Variants in EPPK1 observed in about 807,000 individuals in gnomAD.
EPPK1 encodes the protein epiplakin.
For synonymous variants in EPPK1, 1,862 were observed against 1,721.2 expected, an observed-to-expected ratio of 1.08 and a Z score of -2.03; for missense variants, 3,823 against 3,673.3, an observed-to-expected ratio of 1.04 and a Z score of -1.05.
rs1405351318 is a variant in EPPK1 at position 143,871,475 on chromosome 8, G to A, written c.1779C>T (p.Ala593=). The part of the protein sequence containing the change: ...YERLEHGQAT[A]KDVGSLASVQ... ...CCGAGGCCAGGCTGCCCACATCCTTGGCTGTGGCCTGTCCATGCTCCAGCC... is the reference window on the plus strand; with the variant it reads ...CCGAGGCCAGGCTGCCCACATCCTTAGCTGTGGCCTGTCCATGCTCCAGCC... Residue 593 remains alanine (A), a synonymous_variant, in exon 2 of 2, where the codon GCC becomes GCT. Coordinates refer to ENST00000615648, the MANE Select transcript of EPPK1 (RefSeq NM_031308.4). 6 of 1,608,784 alleles carry A rather than the reference G, an allele frequency of 3.7e-6. No homozygotes were observed. The African/African-American group carries it at 6.7e-5, about 18-fold the overall frequency.
rs1563888819 is a variant in EPPK1, at chr8:143,872,705, C to G, written c.549G>C (p.Glu183Asp). ...CAAGCTCTGACAGCTTGTGCCATGT[C>G]TCCCGGTCCAGGAGGCCCTGGTGGC... ...PACHQGLLDRETWHKLSELEP... is the reference protein window; with the variant it reads ...PACHQGLLDRDTWHKLSELEP... Residue 183 changes from glutamate (E) to aspartate (D), a missense_variant, in exon 2 of 2, where the codon GAG becomes GAC. Transcript: ENST00000615648. The G allele has an allele frequency of 1.3e-6, 2 of 1,599,638 alleles. No individual in the cohort carries two copies. Among genetic ancestry groups the G allele is most frequent in the East Asian group, 4.5e-5 (2 of 44,676 alleles).
chr8:143,872,469 C>T lies in EPPK1; in HGVS notation c.785G>A (p.Arg262Gln), dbSNP rs571553066. ...ILDEQAVQGL[R>Q]EGRLAAVDVS... ...GTCCACTGCGGCCAGCCTGCCCTCC[C>T]GCAGACCCTGCACAGCCTGCTCGTC... The change falls in exon 2 of 2, where the codon CGG becomes CAG. Residue 262 changes from arginine to glutamine, a missense_variant. Arg to Gln is a conservative substitution (Grantham distance 43). Transcript: ENST00000615648. The T allele has an allele frequency of 4.1e-5, 65 of 1,592,106 alleles. 1 individual carries two copies. The Admixed American group carries it at 4.3e-4, about 10-fold the overall frequency.
At position 143,857,567 on chromosome 8, in the gene EPPK1, A is replaced by T. The variant is rs553244020; in HGVS notation, c.*420T>A. On this transcript the variant is annotated 3_prime_UTR_variant, in exon 2 of 2. Transcript: ENST00000615648. Reference sequence around the variant, plus strand: ...CACTGGCTGATGGAAAATGAGTTTGAAGATGAACGTGAATAGCACATCGTT... The same window carrying T: ...CACTGGCTGATGGAAAATGAGTTTGTAGATGAACGTGAATAGCACATCGTT... 4.7e-5 allele frequency: 8 copies of T among 170,244 alleles called. No homozygotes were observed. Among genetic ancestry groups the T allele is most frequent in the Non-Finnish European group, 8.7e-5 (7 of 80,426 alleles). The allele number at this position is 170,244 out of a possible 1,614,324, so 10.5% of individuals were successfully genotyped here. A position where few individuals can be genotyped will look rare whatever the true frequency, so the allele number is the denominator to read the frequency against.
rs976943937 is a variant in EPPK1 at position 143,867,285 on chromosome 8, A to T, written c.5969T>A (p.Phe1990Tyr). ...GATGAGCTGCTTCTGCATGGCCTGG[A>T]ACAGCGGGATCGTGTCTCCTGTGGC... Reference protein sequence around the residue: ...DPATGDTIPLFQAMQKQLIEK... With the variant: ...DPATGDTIPLYQAMQKQLIEK... The change falls in exon 2 of 2, where the codon TTC becomes TAC. Residue 1990 changes from phenylalanine to tyrosine, a missense_variant. Phe to Tyr is a conservative substitution (Grantham distance 22, BLOSUM62 3). Transcript: ENST00000615648. The T allele has an allele frequency of 6.2e-7, 1 of 1,612,358 alleles. No homozygotes were observed. The highest frequency in any genetic ancestry group is 1.7e-5 in the Admixed American group (1 of 60,000).
rs1819089376 is a variant in EPPK1 at position 143,865,569 on chromosome 8, A to C, written c.7685T>G (p.Leu2562Arg). Residue 2562 changes from leucine to arginine, a missense_variant, in exon 2 of 2, where the codon CTG becomes CGG. Physicochemically the swap from Leu to Arg is moderately radical, Grantham distance 102. Transcript: ENST00000615648. ...CCGGCGGGTCAGCGCGGGCAAGTCC[A>C]GGGTCCCCGAGCCAAACTCGGCCAG... is the stretch of plus-strand genomic sequence containing the variant. ...ELLAEFGSGTLDLPALTRRLT... is the reference protein window; with the variant it reads ...ELLAEFGSGTRDLPALTRRLT... 3 of 108,056 alleles carry C rather than the reference A, an allele frequency of 2.8e-5. No individual in the cohort carries two copies. Among genetic ancestry groups the C allele is most frequent in the Non-Finnish European group, 4.4e-5 (3 of 67,456 alleles). 6.7% of individuals were successfully genotyped at this position (108,056 alleles called of 1,614,324 possible).
rs572291032 is a variant in EPPK1 at position 143,867,079 on chromosome 8, T to C, written c.6175A>G (p.Thr2059Ala). The change falls in exon 2 of 2, where the codon ACG becomes GCG. Residue 2059 changes from threonine to alanine, a missense_variant. Coordinates refer to ENST00000615648, the MANE Select transcript of EPPK1 (RefSeq NM_031308.4). ...TCTCGGTACGAGACCTTCTCTTGCG[T>C]GTTCGGGTCCACAAACCGTTTCCTC... ...HMRKRFVDPN[T>A]QEKVSYRELQ... The C allele has an allele frequency of 1.9e-6, 3 of 1,612,910 alleles. No individual in the cohort carries two copies. The highest frequency in any genetic ancestry group is 2.5e-6 in the Non-Finnish European group (3 of 1,179,838).
intron 1 of EPPK1, among the ~76,000 whole-genome samples, chr8:143,874,049 G>T (rs1278852321): frequency 1.3e-5 from 2 of 152,204 alleles, no homozygotes; most frequent in East Asian, 1.9e-4. Context: ...CCCACACCCT[G>T]CCCCGGGGGC....
Position 143,857,780 on chromosome 8 carries a change from C to A in EPPK1, c.*207G>T. ...TATGACACATAGACGACCCAGAAAA[C>A]ACACCAAAAAACTTATGAAACACCT... On this transcript the variant is annotated 3_prime_UTR_variant, in exon 2 of 2. Coordinates refer to ENST00000615648, the MANE Select transcript of EPPK1 (RefSeq NM_031308.4). 2.1e-6 allele frequency: 1 copy of A among 487,624 alleles called. No individual in the cohort carries two copies. 30.2% of individuals were successfully genotyped at this position (487,624 alleles called of 1,614,324 possible).
Position 143,857,988 on chromosome 8 carries a change from C to T in EPPK1, c.15266G>A (p.Ter5089=). ...GLLFLSLSLQ[*] Reference sequence around the variant, plus strand: ...GAAAACTGCACGGAGGAAGCCCAGTCACTGTAGAGAGAGAGAAAGAAATAG... The same window carrying T: ...GAAAACTGCACGGAGGAAGCCCAGTTACTGTAGAGAGAGAGAAAGAAATAG... Residue 5089 remains the stop codon, a stop_retained_variant, in exon 2 of 2, where the codon TGA becomes TAA. Transcript: ENST00000615648. 1 of 1,584,452 alleles carries T rather than the reference C, an allele frequency of 6.3e-7. No individual in the cohort carries two copies. The highest frequency in any genetic ancestry group is 1.8e-5 in the Admixed American group (1 of 56,466).
At position 143,869,409 on chromosome 8, in the gene EPPK1, G is replaced by A. The variant is rs781959347; in HGVS notation, c.3845C>T (p.Ala1282Val). 1 of 1,605,472 alleles carries A rather than the reference G, an allele frequency of 6.2e-7. No homozygotes were observed. The highest frequency in any genetic ancestry group is 8.5e-7 in the Non-Finnish European group (1 of 1,177,684). Residue 1282 changes from alanine to valine, a missense_variant, in exon 2 of 2, where the codon GCC becomes GTC. Ala to Val is a moderately conservative substitution (Grantham distance 64). Transcript: ENST00000615648. The part of the protein sequence containing the change: ...PTGLGQRLLE[A>V]QVASGFLVDP... ...AACAAGGAAGCCAGATGCCACCTGG[G>A]CTTCCAGCAGCCTCTGGCCCAGGCC...
At position 143,860,566 on chromosome 8, in the gene EPPK1, CGGT is replaced by C; in HGVS notation, c.12685_12687del (p.Thr4229del). On this transcript the variant is annotated inframe_deletion, in exon 2 of 2. Coordinates refer to ENST00000615648, the MANE Select transcript of EPPK1 (RefSeq NM_031308.4). ...GTCTGCTCCTGGCGGCGGGCGGCGG[CGGT>C]GGCGGCGGCGGCCTCCTGGGTCTCG... The C allele has an allele frequency of 3.8e-5, 1 of 26,132 alleles. No homozygotes were observed. The highest frequency in any genetic ancestry group is 7.0e-5 in the Non-Finnish European group (1 of 14,258). 1.6% of individuals were successfully genotyped at this position (26,132 alleles called of 1,614,324 possible).
chr8:143,874,356 C>A (rs1819440105), intron 1 of EPPK1, among the ~76,000 whole-genome samples: 1 of 152,230 alleles, frequency 6.6e-6, no homozygotes, highest in African/African-American at 2.4e-5. Context: ...GTGAATGTGA[C>A]CTTATTTGGA....
intron 1 of EPPK1, among the ~76,000 whole-genome samples, chr8:143,875,874 C>T (rs1819467583): frequency 6.6e-6 from 1 of 152,224 alleles, no homozygotes; most frequent in Non-Finnish European, 1.5e-5. Flanking sequence ...CAGAACGTGG[C>T]TTCCCATGTG....
Position 143,857,848 on chromosome 8 carries a change from C to T in EPPK1, c.*139G>A, listed in dbSNP as rs540747119. 23 of 644,530 alleles carry T rather than the reference C, an allele frequency of 3.6e-5. No individual in the cohort carries two copies. The highest frequency in any genetic ancestry group is 4.2e-4 in the Middle Eastern group (1 of 2,376). The allele number at this position is 644,530 out of a possible 1,614,324, so 39.9% of individuals were successfully genotyped here. A position where few individuals can be genotyped will look rare whatever the true frequency, so the allele number is the denominator to read the frequency against. ...GTTTCTGTCACATGACAACTTAAAACGTTTTCCACAGATAACGAATGGGTA... is the reference window on the plus strand; with the variant it reads ...GTTTCTGTCACATGACAACTTAAAATGTTTTCCACAGATAACGAATGGGTA... On this transcript the variant is annotated 3_prime_UTR_variant, in exon 2 of 2. Transcript: ENST00000615648.
chr8:143,870,693 T>C lies in EPPK1; in HGVS notation c.2561A>G (p.Tyr854Cys), dbSNP rs781795632. 1.4e-5 allele frequency: 22 copies of C among 1,609,992 alleles called. No individual in the cohort carries two copies. The South Asian group carries it at 1.7e-4, about 12-fold the overall frequency. Reference protein sequence around the residue: ...EGRRRQLLRRYRQREVTLGQV... With the variant: ...EGRRRQLLRRCRQREVTLGQV... ...CCCCAGCGTGACCTCGCGCTGCCGG[T>C]AGCGACGCAGCAGCTGCCTCCTGCG... The change falls in exon 2 of 2, where the codon TAC (tyrosine) becomes TGC (cysteine). Residue 854 changes from tyrosine (Y) to cysteine (C), a missense_variant. By Grantham distance (194) the Tyr-to-Cys change is radical (BLOSUM62 -2). Coordinates refer to ENST00000615648, the MANE Select transcript of EPPK1 (RefSeq NM_031308.4). This position sits in a 1 kb window ranked among gnomAD's most constrained non-coding sequence, Gnocchi z 5.2.
rs1819320025 is a variant in EPPK1 at position 143,870,823 on chromosome 8, G to A, written c.2431C>T (p.Gln811Ter). 1 of 1,612,692 alleles carries A rather than the reference G, an allele frequency of 6.2e-7. No individual in the cohort carries two copies. Among genetic ancestry groups the A allele is most frequent in the Non-Finnish European group, 8.5e-7 (1 of 1,179,884 alleles). ...TQSPLVDSAT[Q>*]QAFQNLLLSV... ...AGCAGCAGGTTCTGGAAGGCCTGCT[G>A]GGTGGCACTGTCCACCAGCGGGGAC... The change falls in exon 2 of 2, where the codon CAG becomes TAG. Residue 811 changes from glutamine (Q) to a stop codon, truncating the protein, a stop_gained. Transcript: ENST00000615648. LOFTEE classifies it low-confidence loss of function (END_TRUNC). This position sits in a 1 kb window ranked among gnomAD's most constrained non-coding sequence, Gnocchi z 5.2.
Position 143,871,892 on chromosome 8 carries a change from G to A in EPPK1, c.1362C>T (p.Leu454=), listed in dbSNP as rs1554661348. 1 of 1,609,672 alleles carries A rather than the reference G, an allele frequency of 6.2e-7. No homozygotes were observed. Among genetic ancestry groups the A allele is most frequent in the African/African-American group, 1.3e-5 (1 of 75,074 alleles). The change falls in exon 2 of 2, where the codon CTC becomes CTT. Residue 454 remains leucine, a synonymous_variant. Coordinates refer to ENST00000615648, the MANE Select transcript of EPPK1 (RefSeq NM_031308.4). ...GCCCGGTCTCTGGGTCGGTGACACA[G>A]AGGGCCAGCAGCTGTTCATAGCGCA... The part of the protein sequence containing the change: ...GGLRYEQLLA[L]CVTDPETGLA...
upstream of EPPK1, among the ~76,000 whole-genome samples, chr8:143,878,805 G>C (rs1819543404): frequency 6.6e-6 from 1 of 152,090 alleles, no homozygotes; most frequent in East Asian, 1.9e-4. Flanking sequence ...AGCCACTAAT[G>C]CGGTGCGGGC....
Position 143,870,365 on chromosome 8 carries a change from C to T in EPPK1, c.2889G>A (p.Leu963=). 1 of 1,561,084 alleles carries T rather than the reference C, an allele frequency of 6.4e-7. No individual in the cohort carries two copies. The highest frequency in any genetic ancestry group is 1.2e-5 in the South Asian group (1 of 86,596). The change falls in exon 2 of 2, where the codon CTG becomes CTA. Residue 963 remains leucine, a synonymous_variant. Transcript: ENST00000615648. The surrounding 1 kb of genome is among the most constrained non-coding windows in gnomAD (Gnocchi z 5.2). ...KLLGPRVALA[L]LEAQAATGTI... ...TTCCGGTGGCCGCCTGGGCCTCCAG[C>T]AGGGCCAGGGCCACCCTGGGCCCCA...
Sources: gnomAD v4.1 joint callset for allele counts (sites outside exome capture counted in the v4.1 genomes callset) on GRCh38, gnomAD v4.1.1 for gene constraint, Gnocchi (gnomAD v3.1) non-coding constraint, MANE v1.5 for transcripts, NCBI Gene and HGNC (gene_info 2026-07-23, HGNC 2026-07-21) for gene names.